The following KIF5B variants were observed in gnomAD, a reference collection of about 807,000 sequenced individuals.
The protein encoded by KIF5B is kinesin family member 5B, also known as kinesin-1 heavy chain.
In KIF5B, 49 loss-of-function variants were observed where a neutral mutation model predicts 132.8. The ratio of observed to expected loss-of-function variants is 0.37; its 90% confidence interval spans 0.29 to 0.47. KIF5B has a LOEUF of 0.47. Ranked by LOEUF, KIF5B falls within the 20% of genes least tolerant of loss-of-function variation. The pLI, the probability that KIF5B is intolerant of heterozygous loss-of-function variation, is 1.00. For synonymous variants in KIF5B, 355 were observed against 369.4 expected (o/e 0.96, Z 0.45); for missense variants, 780 against 1,144.0 (o/e 0.68, Z 4.59).
intron 21 of KIF5B, 26 bp downstream of exon 21, chr10:32,018,476 C>A: frequency 3.7e-6 from 6 of 1,603,002 alleles, no homozygotes; most frequent in Non-Finnish European, 5.1e-6. Context: ...ATTTCCCAAT[C>A]CTGTTTATTT....
chr10:32,049,255 T>C (rs139721504), intron 1 of KIF5B, among the ~76,000 whole-genome samples: 6 of 152,274 alleles, frequency 3.9e-5, no homozygotes, highest in African/African-American at 1.2e-4. Flanking sequence ...GGGGCAGACA[T>C]TAAAAAATTA....
rs1465105357 is a variant in KIF5B, at chr10:32,037,254, C to A, written c.711G>T (p.Lys237Asn). 6.2e-7 allele frequency: 1 copy of A among 1,610,236 alleles called. No homozygotes were observed. Among genetic ancestry groups the A allele is most frequent in the Admixed American group, 1.7e-5 (1 of 59,000 alleles). ...TTGTCAAAATACATGAAGACTTTAC[C>A]TTTTCACTACCAGCTAAATCAACCA... is the stretch of plus-strand genomic sequence containing the variant. ...LYLVDLAGSE[K>N]VSKTGAEGAV... The change falls in exon 8 of 26, where the codon AAG (lysine) becomes AAT (asparagine). Residue 237 changes from lysine to asparagine, a missense_variant and splice_region_variant. Around this residue, in one of 9 missense-constraint regions of KIF5B, gnomAD observed 15 missense variants for 65.0 expected, o/e 0.23. Coordinates refer to ENST00000302418, the MANE Select transcript of KIF5B (RefSeq NM_004521.3).
intron 1 of KIF5B, among the ~76,000 whole-genome samples, chr10:32,051,554 A>C (rs1841695016): frequency 1.3e-5 from 2 of 152,246 alleles, no homozygotes; most frequent in African/African-American, 4.8e-5. Flanking sequence ...TTACTAAAAT[A>C]ATATAAATGG....
chr10:32,023,085 T>C, intron 15 of KIF5B, 49 bp from the exon 16 acceptor site: 1 of 1,105,540 alleles, frequency 9.0e-7, no homozygotes, highest in Non-Finnish European at 1.3e-6. Flanking sequence ...ATGTTCAATG[T>C]GTGTTTTCCC....
intron 2 of KIF5B, among the ~76,000 whole-genome samples, chr10:32,043,375 G>A (rs1014060799): frequency 2.0e-5 from 3 of 152,194 alleles, no homozygotes; most frequent in African/African-American, 7.2e-5. Context: ...TAACTTGCCT[G>A]TAACTCCACA....
At chr10:32,047,462 T>C (rs766276389) in intron 2 of KIF5B, among the ~76,000 whole-genome samples, 1 of 152,142 alleles carries the variant, frequency 6.6e-6, no homozygotes, top group Non-Finnish European at 1.5e-5. Context: ...CAGCTAACCT[T>C]GAGTGGGCCC....
chr10:32,017,120 A>G (rs765036468), intron 24 of KIF5B, 23 bp downstream of exon 24: 7 of 1,578,584 alleles, frequency 4.4e-6, no homozygotes, highest in Non-Finnish European at 6.1e-6. Context: ...CAAGGTTTAA[A>G]GGTTTTAATG....
At chr10:32,022,553 T>C (rs1046903106) in intron 16 of KIF5B, among the ~76,000 whole-genome samples, 1 of 152,186 alleles carries the variant, frequency 6.6e-6, no homozygotes, top group African/African-American at 2.4e-5. Context: ...ATGGCCCCAT[T>C]CATTCAGTTG....
chr10:32,043,787 T>C (rs892984823), intron 2 of KIF5B, among the ~76,000 whole-genome samples: 1 of 152,184 alleles, frequency 6.6e-6, no homozygotes, highest in African/African-American at 2.4e-5. Context: ...GTCCAGATAA[T>C]TATGAGCCAG....
At chr10:32,012,356 T>A (rs1196760588) in intron 25 of KIF5B, among the ~76,000 whole-genome samples, 2 of 152,158 alleles carry the variant, frequency 1.3e-5, no homozygotes, top group African/African-American at 4.8e-5. Flanking sequence ...GCGCCTGTAA[T>A]CCCAGCTACT....
intron 25 of KIF5B, among the ~76,000 whole-genome samples, chr10:32,014,808 C>CT (rs1307887270): frequency 6.6e-6 from 1 of 152,166 alleles, no homozygotes; most frequent in African/African-American, 2.4e-5. Context: ...GAAATAATCT[C>CT]TAACAGGTTA....
At chr10:32,022,089 T>A (rs1332412062) in intron 17 of KIF5B, 51 bp downstream of exon 17, 2 of 870,964 alleles carry the variant, frequency 2.3e-6, no homozygotes, top group Non-Finnish European at 3.7e-6. Context: ...TTACTACAAT[T>A]ATACTAAAAT....
At chr10:32,014,335 G>A (rs999767620) in intron 25 of KIF5B, among the ~76,000 whole-genome samples, 6 of 151,580 alleles carry the variant, frequency 4.0e-5, no homozygotes, top group African/African-American at 1.5e-4. Context: ...AGGTTGCGGT[G>A]AGCCAAGATC....
intron 21 of KIF5B, 43 bp downstream of exon 21, chr10:32,018,459 A>G (rs1841208426): frequency 1.3e-6 from 2 of 1,592,476 alleles, no homozygotes; most frequent in Admixed American, 3.7e-5. Context: ...GAAAAAACCC[A>G]CAAAATATTT....
chr10:32,031,610 T>C (rs1841403159), intron 13 of KIF5B, among the ~76,000 whole-genome samples: 1 of 152,010 alleles, frequency 6.6e-6, no homozygotes, highest in Non-Finnish European at 1.5e-5. Flanking sequence ...GGAAAGAGTA[T>C]TCATTCATGG....
intron 1 of KIF5B, among the ~76,000 whole-genome samples, chr10:32,051,203 C>G (rs1467519731): frequency 6.6e-6 from 1 of 152,190 alleles, no homozygotes; most frequent in Non-Finnish European, 1.5e-5. Context: ...GGACCACAGG[C>G]ATGTGCCACC....
At chr10:32,034,554 T>G (rs1316067706) in intron 11 of KIF5B, 136 bp downstream of exon 11, 2 of 588,108 alleles carry the variant, frequency 3.4e-6, no homozygotes, top group Non-Finnish European at 5.3e-6. Context: ...TTTCTATTAA[T>G]TTTTTTAAAA....
At position 32,035,682 on chromosome 10, in the gene KIF5B, A is replaced by AAAG. The variant is rs1327304561; in HGVS notation, c.817-18_817-16dup. On this transcript the variant is annotated splice_polypyrimidine_tract_variant and intron_variant, in intron 9 of 25. Coordinates refer to ENST00000302418, the MANE Select transcript of KIF5B (RefSeq NM_004521.3). ...GGAACATATGTCTGCATACAAAAAC[A>AAAG]AAGAAAGAAAACAAGACCAGTATAA... is the stretch of plus-strand genomic sequence containing the variant. 1 of 1,587,384 alleles carries AAAG rather than the reference A, an allele frequency of 6.3e-7. No individual in the cohort carries two copies. Among genetic ancestry groups the AAAG allele is most frequent in the Non-Finnish European group, 8.5e-7 (1 of 1,170,198 alleles).
In KIF5B at chr10:32,035,567, G is replaced by A. The variant is rs1179830901; in HGVS notation, c.917C>T (p.Ser306Leu). 2 of 1,611,558 alleles carry A rather than the reference G, an allele frequency of 1.2e-6. No homozygotes were observed. Among genetic ancestry groups the A allele is most frequent in the African/African-American group, 2.7e-5 (2 of 74,448 alleles). The change falls in exon 10 of 26, where the codon TCA becomes TTA. Residue 306 changes from serine (S) to leucine (L), a missense_variant. Around this residue, in one of 9 missense-constraint regions of KIF5B, gnomAD observed 15 missense variants for 34.4 expected, o/e 0.44. Coordinates refer to ENST00000302418, the MANE Select transcript of KIF5B (RefSeq NM_004521.3). ...TTIVICCSPS[S>L]YNESETKSTL... ...AGATTTTGTTTCAGACTCATTGTATGATGATGGAGAGCAGCAAATTACAAT... is the reference window on the plus strand; with the variant it reads ...AGATTTTGTTTCAGACTCATTGTATAATGATGGAGAGCAGCAAATTACAAT...
Sources: allele counts gnomAD v4.1 joint callset (sites outside exome capture counted in the v4.1 genomes callset), GRCh38; gene constraint gnomAD v4.1.1; regional missense constraint gnomAD v4.1.1; transcripts MANE v1.5; gene names NCBI Gene and HGNC (gene_info 2026-07-23, HGNC 2026-07-21).